Variants in COL4A2 observed in about 807,000 individuals in gnomAD.
The protein encoded by COL4A2 is collagen type IV alpha 2 chain.
In COL4A2, 99 loss-of-function variants were observed where a neutral mutation model predicts 200.2. The ratio of observed to expected loss-of-function variants is 0.49; its 90% CI spans 0.42 to 0.58. The LOEUF (loss-of-function observed/expected upper bound fraction) is 0.58. COL4A2 is among the 20% of genes least tolerant of loss of function. The probability of loss-of-function intolerance (pLI) is 0.00; values close to 1 mark genes in which losing one functional copy is unlikely to be tolerated. For missense variants in COL4A2, 1,950 were observed against 2,314.1 expected (o/e 0.84, Z 3.23); for synonymous variants, 897 against 900.6 (o/e 1.00, Z 0.07).
chr13:110,433,400 A>G (rs1193303494), intron 11 of COL4A2, among the ~76,000 whole-genome samples: 1 of 152,106 alleles, frequency 6.6e-6, no homozygotes, highest in Non-Finnish European at 1.5e-5. Context: ...CCCCTGACCA[A>G]GTCACTTCCT....
At chr13:110,445,944 T>C in intron 17 of COL4A2, 62 bp downstream of exon 17, 2 of 1,582,918 alleles carry the variant, frequency 1.3e-6, no homozygotes, top group Admixed American at 1.7e-5. Flanking sequence ...CTGGCCTTAC[T>C]CCCCTCTTGA....
intron 4 of COL4A2, among the ~76,000 whole-genome samples, chr13:110,363,359 G>A (rs79554953): frequency 0.023 from 3,563 of 152,268 alleles, 140 homozygotes; most frequent in African/African-American, 0.082. Flanking sequence ...GTAGCTAAGA[G>A]TTTCCCACAG....
intron 4 of COL4A2, among the ~76,000 whole-genome samples, chr13:110,379,645 G>A (rs1279271259): frequency 6.6e-6 from 1 of 152,182 alleles, no homozygotes; most frequent in African/African-American, 2.4e-5. Context: ...CTGGGGTGCT[G>A]GGGTCGGAGT....
At chr13:110,337,461 G>C (rs896136316) in intron 3 of COL4A2, among the ~76,000 whole-genome samples, 1 of 152,210 alleles carries the variant, frequency 6.6e-6, no homozygotes, top group Non-Finnish European at 1.5e-5. Context: ...TGCCAGGCTC[G>C]AGCCAGAGCA....
At chr13:110,459,183 G>C (rs1203951151) in intron 22 of COL4A2, 1 of 385,646 alleles carries the variant, frequency 2.6e-6, no homozygotes, top group Non-Finnish European at 4.6e-6. Context: ...TTCAATAGGG[G>C]GTCACCACGT....
chr13:110,489,899 T>A, intron 36 of COL4A2, 114 bp downstream of exon 36: 1 of 1,086,456 alleles, frequency 9.2e-7, no homozygotes, highest in South Asian at 1.6e-5. Context: ...CACTTGATAG[T>A]GAATGAGGTC....
At position 110,462,666 on chromosome 13, in the gene COL4A2, A is replaced by G. The variant is rs9588174; in HGVS notation, c.1776+282A>G. Among the ~76,000 whole-genome samples, 5,538 of 152,318 alleles carry G rather than the reference A, an allele frequency of 0.036. 160 individuals carry two copies. The highest frequency in any genetic ancestry group is 0.076 in the African/African-American group (3,176 of 41,562). On this transcript the variant is annotated intron_variant, in intron 24 of 47. Coordinates refer to ENST00000360467, the MANE Select transcript of COL4A2 (RefSeq NM_001846.4). ...CTAAGAACCCTCCCCCGCCAAAAAA[A>G]GTAGACTATTCTAAAATGGGTGGTG...
At chr13:110,316,391 G>A (rs569941003) in intron 3 of COL4A2, among the ~76,000 whole-genome samples, 23 of 152,286 alleles carry the variant, frequency 1.5e-4, no homozygotes, top group South Asian at 4.1e-4. Context: ...ATTGGCAGCC[G>A]TGATGCAATC....
intron 33 of COL4A2, 145 bp from the exon 34 acceptor site, chr13:110,485,510 G>C (rs1044184643): frequency 1.1e-5 from 7 of 612,402 alleles, no homozygotes; most frequent in Non-Finnish European, 1.8e-5. Context: ...GCGACAGAGC[G>C]AGACTCCGTC....
intron 47 of COL4A2, among the ~76,000 whole-genome samples, chr13:110,509,264 TATATATACAC>T (rs1331118852): frequency 1.7e-4 from 20 of 119,098 alleles, no homozygotes; most frequent in African/African-American, 5.0e-4. Flanking sequence ...TATATATATA[TATATATACAC>T]ACACACACAC....
chr13:110,340,160 G>C (rs1876384756), intron 3 of COL4A2, among the ~76,000 whole-genome samples: 1 of 152,134 alleles, frequency 6.6e-6, no homozygotes, highest in African/African-American at 2.4e-5. Flanking sequence ...GTCTTGTTCT[G>C]TTGCCCAGGT....
intron 7 of COL4A2, 56 bp downstream of exon 7, chr13:110,428,639 T>A (rs1352804667): frequency 3.8e-6 from 4 of 1,051,252 alleles, no homozygotes; most frequent in Non-Finnish European, 5.4e-6. Context: ...TGCTAAGCCC[T>A]GCCTTTATAA....
intron 40 of COL4A2, among the ~76,000 whole-genome samples, chr13:110,498,701 TG>T (rs1406868453): frequency 6.6e-6 from 1 of 152,238 alleles, no homozygotes; most frequent in African/African-American, 2.4e-5. Context: ...AAGAATATTG[TG>T]AAATTGTAGG....
chr13:110,487,801 A>G (rs4773196), intron 34 of COL4A2, among the ~76,000 whole-genome samples: 130,544 of 152,246 alleles, frequency 0.86, 55,971 homozygotes, highest in Middle Eastern at 0.93. Context: ...TCGGGAGCAC[A>G]GCTGCTTTAG....
rs1276718979 is a variant in COL4A2 at position 110,316,872 on chromosome 13, T to TGTAAAACATAGATA, written c.99+8749_99+8750insGTAAAACATAGATA. 5.5e-4 allele frequency among the ~76,000 whole-genome samples: 83 copies of TGTAAAACATAGATA among 152,182 alleles called. No homozygotes were observed. In the East Asian group the frequency reaches 0.012, roughly 21 times the overall value. On this transcript the variant is annotated intron_variant, in intron 3 of 47. Transcript: ENST00000360467. The stretch of plus-strand genomic sequence containing the variant: ...ATATATACACGTCAAAATACAGAAA[T>TGTAAAACATAGATA]TGTGGTACATGTAAAACATAGATAT...
intron 3 of COL4A2, among the ~76,000 whole-genome samples, chr13:110,336,666 G>A (rs1876205767): frequency 6.6e-6 from 1 of 152,180 alleles, no homozygotes. Context: ...ATAGGAGGCA[G>A]GACATGGACC....
chr13:110,401,762 A>G (rs1879378799), intron 4 of COL4A2, among the ~76,000 whole-genome samples: 1 of 152,196 alleles, frequency 6.6e-6, no homozygotes, highest in Non-Finnish European at 1.5e-5. Context: ...ATAATTTATA[A>G]ATGACAGAAA....
At chr13:110,493,059 T>G in intron 38 of COL4A2, 152 bp from the exon 39 acceptor site, 3 of 872,746 alleles carry the variant, frequency 3.4e-6, no homozygotes, top group Non-Finnish European at 5.3e-6. Context: ...ACAGGTGAAA[T>G]AACGATGAGT....
chr13:110,339,007 G>A (rs1422472575), intron 3 of COL4A2, among the ~76,000 whole-genome samples: 1 of 152,198 alleles, frequency 6.6e-6, no homozygotes, highest in Non-Finnish European at 1.5e-5. Context: ...TGGCAGTTAT[G>A]CCTCTGCCTT....
Sources: gnomAD v4.1 joint callset for allele counts (sites outside exome capture counted in the v4.1 genomes callset) on GRCh38, gnomAD v4.1.1 for gene constraint, MANE v1.5 for transcripts, NCBI Gene and HGNC (gene_info 2026-07-23, HGNC 2026-07-21) for gene names.